Variants in KATNAL1 observed in about 807,000 individuals in gnomAD.
KATNAL1 encodes the protein katanin catalytic subunit A1 like 1.
KATNAL1 carries 32 observed loss-of-function variants against 55.2 expected under a neutral mutation model. That is an observed-to-expected ratio of 0.58 (90% CI 0.44 to 0.78). The LOEUF is 0.78. Among genes scored for constraint, KATNAL1 ranks in the 30% least tolerant of loss-of-function variants. The pLI is 0.00. For missense variants in KATNAL1, 466 were observed against 600.9 expected (o/e 0.78, Z 2.35); for synonymous variants, 193 against 193.6 (o/e 1.00, Z 0.02).
intron 3 of KATNAL1, among the ~76,000 whole-genome samples, chr13:30,262,512 T>C (rs1016699614): frequency 2.0e-5 from 3 of 151,750 alleles, no homozygotes; most frequent in African/African-American, 4.8e-5. Flanking sequence ...ATCAAATAGA[T>C]GCAATAAAAA....
At chr13:30,250,788 T>C (rs759656238) in intron 4 of KATNAL1, among the ~76,000 whole-genome samples, 44 of 152,240 alleles carry the variant, frequency 2.9e-4, no homozygotes, top group Non-Finnish European at 5.0e-4. Context: ...GCTTTAATCA[T>C]GAGATAATGG....
intron 9 of KATNAL1, among the ~76,000 whole-genome samples, chr13:30,216,683 A>G (rs969132527): frequency 3.3e-5 from 5 of 152,112 alleles, no homozygotes; most frequent in African/African-American, 1.2e-4. Flanking sequence ...TGGTGGCAGG[A>G]GGGGTAGGGA....
At position 30,208,721 on chromosome 13, in the gene KATNAL1, G is replaced by A. The variant is rs79935171; in HGVS notation, c.1292C>T (p.Ala431Val). 2 of 1,609,800 alleles carry A rather than the reference G, an allele frequency of 1.2e-6. No individual in the cohort carries two copies. The highest frequency in any genetic ancestry group is 2.2e-5 in the East Asian group (1 of 44,774). Reference sequence around the variant, plus strand: ...TAAGCCATTGATACGCCGTCTCATTGCCATTAAAGAGGCATCCCTAAAAAT... The same window carrying A: ...TAAGCCATTGATACGCCGTCTCATTACCATTAAAGAGGCATCCCTAAAAAT... ...TNVCRDASLMAMRRRINGLSP... is the reference protein window; with the variant it reads ...TNVCRDASLMVMRRRINGLSP... The change falls in exon 11 of 11, where the codon GCA becomes GTA. Residue 431 changes from alanine (A) to valine (V), a missense_variant. Around this residue, in one of 3 missense-constraint regions of KATNAL1, gnomAD observed 213 missense variants for 308.6 expected, o/e 0.69. Coordinates refer to ENST00000380615, the MANE Select transcript of KATNAL1 (RefSeq NM_032116.5).
chr13:30,251,119 G>A (rs1469720356), intron 4 of KATNAL1, among the ~76,000 whole-genome samples: 5 of 125,844 alleles, frequency 4.0e-5, no homozygotes, highest in Admixed American at 1.1e-4. Flanking sequence ...GTCTCTGGGC[G>A]ACAGAGCAAG....
chr13:30,270,764 A>C (rs1242626584), intron 3 of KATNAL1, among the ~76,000 whole-genome samples: 2 of 151,260 alleles, frequency 1.3e-5, no homozygotes, highest in East Asian at 3.9e-4. Flanking sequence ...ACCCAGGGAC[A>C]CAAACACTGC....
At chr13:30,261,795 A>T (rs572243424) in intron 3 of KATNAL1, among the ~76,000 whole-genome samples, 3 of 152,282 alleles carry the variant, frequency 2.0e-5, no homozygotes, top group South Asian at 2.1e-4. Context: ...CACTGTCAAC[A>T]TTAGACAGAT....
intron 1 of KATNAL1, among the ~76,000 whole-genome samples, chr13:30,299,907 TA>T (rs1882754419): frequency 6.6e-6 from 1 of 152,146 alleles, no homozygotes; most frequent in Non-Finnish European, 1.5e-5. Context: ...GATCTAAATG[TA>T]ACACATAAAG....
At chr13:30,268,960 A>C (rs1879995946) in intron 3 of KATNAL1, among the ~76,000 whole-genome samples, 1 of 152,338 alleles carries the variant, frequency 6.6e-6, no homozygotes, top group East Asian at 1.9e-4. Context: ...AAAGCTTACA[A>C]TCTAGCAGGA....
At chr13:30,284,713 A>C (rs1180350238) in intron 1 of KATNAL1, among the ~76,000 whole-genome samples, 1 of 152,190 alleles carries the variant, frequency 6.6e-6, no homozygotes, top group Non-Finnish European at 1.5e-5. Flanking sequence ...TTGGCCATGC[A>C]AATAACTATT....
At chr13:30,253,437 T>A (rs894728407) in intron 4 of KATNAL1, among the ~76,000 whole-genome samples, 1 of 152,100 alleles carries the variant, frequency 6.6e-6, no homozygotes, top group African/African-American at 2.4e-5. Context: ...AGACAATTTA[T>A]AATTTCCAGG....
chr13:30,267,207 A>G (rs1245155036), intron 3 of KATNAL1, among the ~76,000 whole-genome samples: 6 of 152,182 alleles, frequency 3.9e-5, no homozygotes, highest in Non-Finnish European at 8.8e-5. Flanking sequence ...AACCTAAGAT[A>G]CTTAATTTAT....
intron 1 of KATNAL1, among the ~76,000 whole-genome samples, chr13:30,291,182 G>A (rs773110160): frequency 6.6e-6 from 1 of 152,216 alleles, no homozygotes; most frequent in Non-Finnish European, 1.5e-5. Flanking sequence ...GATTGTCAGT[G>A]GAGAAAATCC....
At chr13:30,221,185 T>G (rs1009583754) in intron 9 of KATNAL1, among the ~76,000 whole-genome samples, 9 of 152,198 alleles carry the variant, frequency 5.9e-5, no homozygotes, top group Non-Finnish European at 1.2e-4. Context: ...AAGGAATATG[T>G]TACAAAAATT....
chr13:30,255,617 T>TA lies in KATNAL1; in HGVS notation c.324-3_324-2insT. 8.0e-7 allele frequency: 1 copy of TA among 1,250,066 alleles called. No homozygotes were observed. Among genetic ancestry groups the TA allele is most frequent in the African/African-American group, 2.3e-5 (1 of 43,910 alleles). The allele number at this position is 1,250,066 out of a possible 1,614,324, so 77.4% of individuals were successfully genotyped here. A position where few individuals can be genotyped will look rare whatever the true frequency, so the allele number is the denominator to read the frequency against. On this transcript the variant is annotated splice_polypyrimidine_tract_variant and splice_region_variant and intron_variant, in intron 3 of 10. Transcript: ENST00000380615. ...GGACGCCTGATCTGAGGTGGAGCTCTGACAAAAAAAAAAAAAAAAAAATTA... is the reference window on the plus strand; with the variant it reads ...GGACGCCTGATCTGAGGTGGAGCTCTAGACAAAAAAAAAAAAAAAAAAATTA...
chr13:30,255,321 G>T, intron 4 of KATNAL1, 126 bp downstream of exon 4: 2 of 731,202 alleles, frequency 2.7e-6, no homozygotes, highest in Non-Finnish European at 4.1e-6. Flanking sequence ...CTTAGGCTTT[G>T]AATGAGACTT....
intron 1 of KATNAL1, among the ~76,000 whole-genome samples, chr13:30,293,213 T>C (rs905608127): frequency 1.3e-5 from 2 of 152,210 alleles, no homozygotes; most frequent in East Asian, 1.9e-4. Flanking sequence ...TCTTAGTTTT[T>C]CCCTCCTTTT....
In KATNAL1 at chr13:30,255,446, C is replaced by T; in HGVS notation, c.492+1G>A. On this transcript the variant is annotated splice_donor_variant, in intron 4 of 10. Coordinates refer to ENST00000380615, the MANE Select transcript of KATNAL1 (RefSeq NM_032116.5). LOFTEE classifies it high-confidence loss of function. ...TGAATTACAGAAAGACAGCATCTTG[C>T]CTTGTCATCTCTCCCTCTTGCTCTA... 6.6e-7 allele frequency: 1 copy of T among 1,518,726 alleles called. No individual in the cohort carries two copies. The highest frequency in any genetic ancestry group is 8.8e-7 in the Non-Finnish European group (1 of 1,132,818). The allele number at this position is 1,518,726 out of a possible 1,614,324, so 94.1% of individuals were successfully genotyped here. A position where few individuals can be genotyped will look rare whatever the true frequency, so the allele number is the denominator to read the frequency against.
intron 3 of KATNAL1, among the ~76,000 whole-genome samples, chr13:30,265,044 T>TA (rs1274706252): frequency 6.6e-6 from 1 of 151,090 alleles, no homozygotes; most frequent in African/African-American, 2.4e-5. Context: ...TATGCAGCCA[T>TA]AAAAAATGAT....
chr13:30,217,407 TC>T (rs1444707724), intron 9 of KATNAL1, among the ~76,000 whole-genome samples: 1 of 152,120 alleles, frequency 6.6e-6, no homozygotes, highest in Admixed American at 6.5e-5. Flanking sequence ...TGAGCTGAGA[TC>T]GCGCCACTGC....
Sources: allele counts gnomAD v4.1 joint callset (sites outside exome capture counted in the v4.1 genomes callset), GRCh38; gene constraint gnomAD v4.1.1; regional missense constraint gnomAD v4.1.1; transcripts MANE v1.5; gene names NCBI Gene and HGNC (gene_info 2026-07-23, HGNC 2026-07-21).